The following TMPRSS9 variants were observed in gnomAD, a reference collection of about 807,000 sequenced individuals.
The protein encoded by TMPRSS9 is transmembrane serine protease 9.
A neutral mutation model predicts 111.4 loss-of-function variants in TMPRSS9; 113 were observed. The observed-to-expected ratio is 1.01, with a 90% CI of 0.87 to 1.19. The LOEUF is 1.19. TMPRSS9 is among the 50% of genes most tolerant of loss of function. The probability of loss-of-function intolerance (pLI) is 0.00; values close to 1 mark genes in which losing one functional copy is unlikely to be tolerated. For synonymous variants in TMPRSS9, 805 were observed against 659.1 expected (o/e 1.22, Z -3.39); for missense variants, 1,803 against 1,513.1 (o/e 1.19, Z -3.18).
chr19:2,372,922 C>T (rs1256004066), intron 1 of TMPRSS9, among the ~76,000 whole-genome samples: 5 of 152,116 alleles, frequency 3.3e-5, no homozygotes, highest in Admixed American at 1.3e-4. Context: ...GCCTTGACCT[C>T]GTGGGGACAA....
upstream of TMPRSS9, among the ~76,000 whole-genome samples, chr19:2,388,863 A>G (rs948418897): frequency 9.2e-5 from 14 of 151,894 alleles, no homozygotes; most frequent in Admixed American, 3.9e-4. Context: ...GGCTCGAGCA[A>G]TCCTCTCACC....
chr19:2,366,178 T>G (rs926886217), intron 1 of TMPRSS9, among the ~76,000 whole-genome samples: 20 of 151,898 alleles, frequency 1.3e-4, no homozygotes, highest in African/African-American at 4.8e-4. Context: ...AGACCCTGTC[T>G]CTACCAAAAA....
chr19:2,404,000 AAAAAAAAAAG>A, intron 6 of TMPRSS9, among the ~76,000 whole-genome samples: 1 of 150,236 alleles, frequency 6.7e-6, no homozygotes, highest in Non-Finnish European at 1.5e-5. Flanking sequence ...TCAAAAAAAA[AAAAAAAAAAG>A]AAAAAAAAAT....
intron 1 of TMPRSS9, among the ~76,000 whole-genome samples, chr19:2,381,806 T>C (rs1413759979): frequency 6.6e-6 from 1 of 151,208 alleles, no homozygotes; most frequent in African/African-American, 2.4e-5. Flanking sequence ...CTCGGAGACA[T>C]TAGAATTTCA....
chr19:2,398,720 A>G (rs1599293419), intron 2 of TMPRSS9, 75 bp from the exon 4 acceptor site: 1 of 1,088,000 alleles, frequency 9.2e-7, no homozygotes, highest in South Asian at 1.4e-5. Context: ...TCCCTCCAAC[A>G]CCTGACAGGC....
chr19:2,401,691 T>A (rs1365043329), intron 4 of TMPRSS9, among the ~76,000 whole-genome samples: 1 of 151,450 alleles, frequency 6.6e-6, no homozygotes, highest in Non-Finnish European at 1.5e-5. Context: ...CACTGCAACC[T>A]CTGCCTCCCG....
chr19:2,422,576 A>G (rs1406638605), intron 14 of TMPRSS9, among the ~76,000 whole-genome samples: 2 of 151,996 alleles, frequency 1.3e-5, no homozygotes, highest in East Asian at 3.9e-4. Context: ...CTCCGTCTCA[A>G]AAAAGAAAAA....
intron 1 of TMPRSS9, among the ~76,000 whole-genome samples, chr19:2,390,504 A>G (rs1970567029): frequency 6.7e-6 from 1 of 149,162 alleles, no homozygotes; most frequent in African/African-American, 2.4e-5. Context: ...CAGCCTCCCA[A>G]AGTGCTGGGA....
chr19:2,416,271 T>TG (rs5826767), intron 11 of TMPRSS9: 1,418 of 486,944 alleles, frequency 2.9e-3, no homozygotes, highest in Non-Finnish European at 3.7e-3. Context: ...TGTAGGGGGT[T>TG]GGGGGGGGGC....
At chr19:2,369,322 G>A (rs1045127856) in intron 1 of TMPRSS9, among the ~76,000 whole-genome samples, 1 of 152,210 alleles carries the variant, frequency 6.6e-6, no homozygotes, top group Non-Finnish European at 1.5e-5. Flanking sequence ...TGAGAAGACT[G>A]TGGGAGGAGC....
Position 2,362,902 on chromosome 19 carries a change from G to A in TMPRSS9, c.-26+2542G>A, listed in dbSNP as rs115882335. Among the ~76,000 whole-genome samples the A allele has an allele frequency of 1.9e-3, 282 of 151,750 alleles. 3 individuals are homozygous for A. Among genetic ancestry groups the A allele is most frequent in the African/African-American group, 6.6e-3 (273 of 41,346 alleles). ...TGTGTGGTTGTGTTTGGTTGTGTGA[G>A]GTTGTGTGTGGTAATGTGTTGTGTG... On this transcript the variant is annotated intron_variant, in intron 1 of 17. Transcript: ENST00000649857.
intron 1 of TMPRSS9, among the ~76,000 whole-genome samples, chr19:2,365,630 C>CA (rs1048212095): frequency 1.2e-4 from 18 of 149,752 alleles, no homozygotes; most frequent in Admixed American, 2.7e-4. Flanking sequence ...ACAAAAAAAA[C>CA]AAAAAAACTA....
chr19:2,374,393 T>C (rs1402516563), intron 1 of TMPRSS9, among the ~76,000 whole-genome samples: 2 of 129,970 alleles, frequency 1.5e-5, no homozygotes, highest in African/African-American at 3.3e-5. Flanking sequence ...ACCAATATGG[T>C]GAAACCCCGT....
chr19:2,417,883 G>T lies in TMPRSS9; in HGVS notation c.2018-119G>T, dbSNP rs11879482. 3.5e-4 allele frequency: 480 copies of T among 1,363,894 alleles called. 1 individual carries two copies. In the African/African-American group the frequency reaches 6.2e-3, roughly 18 times the overall value. The allele number at this position is 1,363,894 out of a possible 1,614,324, so 84.5% of individuals were successfully genotyped here. On this transcript the variant is annotated intron_variant, in intron 12 of 17. Transcript: ENST00000648592. ...TTGTGAGATTCCTGCAACTCTGTGA[G>T]CCCTGGTTTCTTCGTCTGTGGGGTG...
intron 15 of TMPRSS9, 140 bp from the exon 17 acceptor site, chr19:2,424,862 C>T (rs1023902079): frequency 3.4e-5 from 37 of 1,099,732 alleles, no homozygotes; most frequent in Non-Finnish European, 4.3e-5. Flanking sequence ...GGAGACTGAG[C>T]CCATTCCCAG....
chr19:2,381,321 G>A (rs1353459222), intron 1 of TMPRSS9, among the ~76,000 whole-genome samples: 1 of 151,988 alleles, frequency 6.6e-6, no homozygotes, highest in Non-Finnish European at 1.5e-5. Flanking sequence ...GGCAGGGTCA[G>A]CAGAGGCAGC....
At chr19:2,384,746 T>G (rs145297658) in intron 1 of TMPRSS9, among the ~76,000 whole-genome samples, 3 of 142,778 alleles carry the variant, frequency 2.1e-5, no homozygotes, top group Non-Finnish European at 4.5e-5. Context: ...ACCTGGGAAA[T>G]GGAGCTTGCA....
intron 1 of TMPRSS9, among the ~76,000 whole-genome samples, chr19:2,376,160 G>A (rs757670239): frequency 1.3e-5 from 2 of 152,118 alleles, no homozygotes; most frequent in Non-Finnish European, 2.9e-5. Flanking sequence ...CTTTCCCAGC[G>A]TCTAGAGGCA....
intron 6 of TMPRSS9, 83 bp downstream of exon 7, chr19:2,403,278 C>CCCAGTGAAATAAGCACAG: frequency 8.6e-7 from 1 of 1,160,122 alleles, no homozygotes; most frequent in Non-Finnish European, 1.3e-6. Context: ...GGTCACTGTG[C>CCCAGTGAAATAAGCACAG]TTATTTCACT....
Sources: allele counts gnomAD v4.1 joint callset (sites outside exome capture counted in the v4.1 genomes callset), GRCh38; gene constraint gnomAD v4.1.1; transcripts MANE v1.5; gene names NCBI Gene and HGNC (gene_info 2026-07-23, HGNC 2026-07-21).